N4BP3: variants seen among roughly 807,000 people sequenced by gnomAD.
The protein encoded by N4BP3 is NEDD4 binding protein 3.
N4BP3 carries 33 observed loss-of-function variants against 43.8 expected under a neutral mutation model. The ratio of observed to expected loss-of-function variants is 0.75; its 90% confidence interval spans 0.57 to 1.01. N4BP3 has a LOEUF of 1.01. Ranked by LOEUF, N4BP3 falls within the 50% of genes least tolerant of loss-of-function variation. The probability of loss-of-function intolerance (pLI) is 0.00; values close to 1 mark genes in which losing one functional copy is unlikely to be tolerated. For missense variants in N4BP3, 756 were observed against 744.2 expected (o/e 1.02, Z -0.18); for synonymous variants, 326 against 321.9 (o/e 1.01, Z -0.14).
At chr5:178,115,345 C>A (rs559630436) in intron 1 of N4BP3, among the ~76,000 whole-genome samples, 1 of 152,258 alleles carries the variant, frequency 6.6e-6, no homozygotes, top group South Asian at 2.1e-4. Context: ...CCTACTACCC[C>A]CCCCTTTTGG....
chr5:178,122,110 G>A lies in N4BP3; in HGVS notation c.*109G>A. The A allele has an allele frequency of 3.7e-6, 5 of 1,347,700 alleles. No homozygotes were observed. Among genetic ancestry groups the A allele is most frequent in the Non-Finnish European group, 4.9e-6 (5 of 1,016,402 alleles). The allele number at this position is 1,347,700 out of a possible 1,614,324, so 83.5% of individuals were successfully genotyped here. ...GGTGGAACCTGCAGAGGCCAGCCCG[G>A]GGCTGGGGAGGCGCAAGGAGAGGAG... On this transcript the variant is annotated 3_prime_UTR_variant, in exon 5 of 5. Transcript: ENST00000274605.
rs964782285 is a variant in N4BP3 at position 178,113,680 on chromosome 5, C to G, written c.-122C>G. On this transcript the variant is annotated 5_prime_UTR_variant, in exon 1 of 5. Coordinates refer to ENST00000274605, the MANE Select transcript of N4BP3 (RefSeq NM_015111.2). The stretch of plus-strand genomic sequence containing the variant: ...CCCGGCACGCAGTCCCGGCCCGAGC[C>G]GACGCCTTGCAGGAGGGTTCAAATC... 1.4e-4 allele frequency: 22 copies of G among 152,148 alleles called. No homozygotes were observed. The highest frequency in any genetic ancestry group is 2.9e-4 in the Non-Finnish European group (20 of 67,970). The allele number at this position is 152,148 out of a possible 1,614,324, so 9.4% of individuals were successfully genotyped here.
At position 178,120,306 on chromosome 5, in the gene N4BP3, C is replaced by T; in HGVS notation, c.459C>T (p.Ala153=). 6.2e-7 allele frequency: 1 copy of T among 1,608,524 alleles called. No homozygotes were observed. The highest frequency in any genetic ancestry group is 8.5e-7 in the Non-Finnish European group (1 of 1,177,752). The change falls in exon 3 of 5, where the codon GCC becomes GCT. Residue 153 remains alanine (A), a synonymous_variant. Transcript: ENST00000274605. ...WRSNGSLHTL[A]CHPPLSPGPR... is the part of the protein sequence containing the mutation. Reference sequence around the variant, plus strand: ...GCAATGGCAGCCTGCACACGCTGGCCTGCCACCCGCCCCTGAGCCCCGGGC... The same window carrying T: ...GCAATGGCAGCCTGCACACGCTGGCTTGCCACCCGCCCCTGAGCCCCGGGC...
downstream of N4BP3, chr5:178,126,160 C>A (rs920452283): frequency 2.6e-5 from 4 of 152,044 alleles, no homozygotes; most frequent in African/African-American, 9.7e-5. Flanking sequence ...CTATGTGCCA[C>A]CCCTGCATTT....
chr5:178,118,672 C>T lies in N4BP3; in HGVS notation c.-30-882C>T, dbSNP rs1010179990. ...TATCCCTCCCACTGTAGCCCCCAAC[C>T]CTCCCCCCCATGCCAGATGTTTCCC... On this transcript the variant is annotated intron_variant, in intron 1 of 4. Transcript: ENST00000274605. This position sits in a 1 kb window ranked among gnomAD's most constrained non-coding sequence, Gnocchi z 5.4. 6.6e-6 allele frequency among the ~76,000 whole-genome samples: 1 copy of T among 152,046 alleles called. No homozygotes were observed. The highest frequency in any genetic ancestry group is 2.4e-5 in the African/African-American group (1 of 41,408).
rs778174831 is a variant in N4BP3 at position 178,121,117 on chromosome 5, G to A, written c.872G>A (p.Arg291Gln). ...TGACAGGTGCTGGAGGAGCGCCAGC[G>A]GCTGTGGCTGGCTGAGCTGAAGCGC... Reference protein sequence around the residue: ...PFTQVLEERQRLWLAELKRLY... With the variant: ...PFTQVLEERQQLWLAELKRLY... Residue 291 changes from arginine (R) to glutamine (Q), a missense_variant, in exon 4 of 5, where the codon CGG becomes CAG. Arg to Gln is a conservative substitution (Grantham distance 43). Transcript: ENST00000274605. 10 of 1,597,620 alleles carry A rather than the reference G, an allele frequency of 6.3e-6. No homozygotes were observed. Among genetic ancestry groups the A allele is most frequent in the African/African-American group, 2.7e-5 (2 of 74,854 alleles).
At position 178,121,454 on chromosome 5, in the gene N4BP3, G is replaced by T; in HGVS notation, c.1108-20G>T. ...CGGCTCCCCACACCCTACTTTGCTTGCGTCCTCCCCATCCCCCAGGTGTGC... is the reference window on the plus strand; with the variant it reads ...CGGCTCCCCACACCCTACTTTGCTTTCGTCCTCCCCATCCCCCAGGTGTGC... On this transcript the variant is annotated intron_variant, in intron 4 of 4. Coordinates refer to ENST00000274605, the MANE Select transcript of N4BP3 (RefSeq NM_015111.2). 6.2e-7 allele frequency: 1 copy of T among 1,613,824 alleles called. No individual in the cohort carries two copies. Among genetic ancestry groups the T allele is most frequent in the Non-Finnish European group, 8.5e-7 (1 of 1,179,960 alleles).
chr5:178,117,993 C>T (rs1453012998), intron 1 of N4BP3, among the ~76,000 whole-genome samples: 2 of 152,212 alleles, frequency 1.3e-5, no homozygotes, highest in South Asian at 2.1e-4. Context: ...AGTGGGTGCC[C>T]GGAAGCATGG....
Position 178,121,713 on chromosome 5 carries a change from CAGGGGCCTGCTAGGGG to C in N4BP3, c.1351_1366del (p.Gly451GlnfsTer96), listed in dbSNP as rs1347915525. 6.2e-7 allele frequency: 1 copy of C among 1,609,302 alleles called. No homozygotes were observed. Among genetic ancestry groups the C allele is most frequent in the Non-Finnish European group, 8.5e-7 (1 of 1,179,870 alleles). ...GCTGTGAGACTGATGACTGCAAGAG[CAGGGGCCTGCTAGGGG>C]AGGCAGGAGGCAGCGAGGCCAGAGA... On this transcript the variant is annotated frameshift_variant, in exon 5 of 5. Coordinates refer to ENST00000274605, the MANE Select transcript of N4BP3 (RefSeq NM_015111.2). LOFTEE classifies it high-confidence loss of function.
At chr5:178,115,994 T>G (rs1396819599) in intron 1 of N4BP3, among the ~76,000 whole-genome samples, 1 of 152,090 alleles carries the variant, frequency 6.6e-6, no homozygotes. Context: ...CCAGCCCAAA[T>G]CTAGCCAGCT....
Position 178,121,831 on chromosome 5 carries a change from G to A in N4BP3, c.1465G>A (p.Glu489Lys). The change falls in exon 5 of 5, where the codon GAG (glutamate) becomes AAG (lysine). Residue 489 changes from glutamate to lysine, a missense_variant. By Grantham distance (56) the Glu-to-Lys change is moderately conservative. Coordinates refer to ENST00000274605, the MANE Select transcript of N4BP3 (RefSeq NM_015111.2). ...GQEQALRFEQ[E>K]RRTWQEEKER... ...GGAGCAGGCGCTGCGCTTTGAGCAG[G>A]AGCGGCGGACTTGGCAGGAGGAGAA... 1 of 1,608,970 alleles carries A rather than the reference G, an allele frequency of 6.2e-7. No homozygotes were observed. The highest frequency in any genetic ancestry group is 8.5e-7 in the Non-Finnish European group (1 of 1,178,870).
At position 178,119,972 on chromosome 5, in the gene N4BP3, C is replaced by A. The variant is rs535148656; in HGVS notation, c.330+59C>A. 5.1e-5 allele frequency: 78 copies of A among 1,522,718 alleles called. 1 individual carries two copies. The Middle Eastern group carries it at 1.1e-3, about 21-fold the overall frequency. The allele number at this position is 1,522,718 out of a possible 1,614,324, so 94.3% of individuals were successfully genotyped here. On this transcript the variant is annotated intron_variant, in intron 2 of 4. Coordinates refer to ENST00000274605, the MANE Select transcript of N4BP3 (RefSeq NM_015111.2). ...GGGAGGGTGGGGTCTCCTTGGAGAC[C>A]CTGATGTTGGGATGGGGTGGGGACG... is the stretch of plus-strand genomic sequence containing the variant.
rs1757968769 is a variant in N4BP3, at chr5:178,122,967, G to A, written c.*966G>A. On this transcript the variant is annotated 3_prime_UTR_variant, in exon 5 of 5. Coordinates refer to ENST00000274605, the MANE Select transcript of N4BP3 (RefSeq NM_015111.2). ...TTTCCCCATCAGCAACGGGGCTCTA[G>A]GGCATTATTAAGTAGGGGTGAAATA... The A allele has an allele frequency of 6.6e-6, 1 of 152,224 alleles. No homozygotes were observed. Among genetic ancestry groups the A allele is most frequent in the East Asian group, 1.9e-4 (1 of 5,196 alleles). 9.4% of individuals were successfully genotyped at this position (152,224 alleles called of 1,614,324 possible). A position where few individuals can be genotyped will look rare whatever the true frequency, so the allele number is the denominator to read the frequency against.
Position 178,126,039 on chromosome 5 carries a change from C to G in N4BP3, c.*4038C>G, listed in dbSNP as rs757712523. 19 of 152,136 alleles carry G rather than the reference C, an allele frequency of 1.2e-4. No homozygotes were observed. Among genetic ancestry groups the G allele is most frequent in the Non-Finnish European group, 1.8e-4 (12 of 68,030 alleles). 9.4% of individuals were successfully genotyped at this position (152,136 alleles called of 1,614,324 possible). A position where few individuals can be genotyped will look rare whatever the true frequency, so the allele number is the denominator to read the frequency against. ...AAGAATGAAGAGCCAGAAATAGATT[C>G]TATTCTGTAGAAAATCTTACACAAT... is the stretch of plus-strand genomic sequence containing the variant. On this transcript the variant is annotated 3_prime_UTR_variant, in exon 5 of 5. Transcript: ENST00000274605.
Position 178,121,321 on chromosome 5 carries a change from G to GA in N4BP3, c.1076_1077insA (p.Ser359ArgfsTer20). 2 of 1,603,610 alleles carry GA rather than the reference G, an allele frequency of 1.2e-6. No homozygotes were observed. Among genetic ancestry groups the GA allele is most frequent in the Non-Finnish European group, 1.7e-6 (2 of 1,173,634 alleles). ...GGCACCCTCCCAGAGGCTGACCCCA[G>GA]TGCACGACCAGAGGAGGAAGCCCGA... On this transcript the variant is annotated frameshift_variant, in exon 4 of 5. Coordinates refer to ENST00000274605, the MANE Select transcript of N4BP3 (RefSeq NM_015111.2). LOFTEE classifies it high-confidence loss of function.
chr5:178,120,974 C>A (rs1241675434), intron 3 of N4BP3, 124 bp from the exon 4 acceptor site: 2 of 1,341,234 alleles, frequency 1.5e-6, no homozygotes, highest in Non-Finnish European at 2.0e-6. Flanking sequence ...GGTTAAAGCG[C>A]ATGTGTGGCT....
rs751964720 is a variant in N4BP3 at position 178,120,342 on chromosome 5, C to G, written c.495C>G (p.Ser165Arg). The G allele has an allele frequency of 1.3e-5, 21 of 1,607,310 alleles. No individual in the cohort carries two copies. The Middle Eastern group carries it at 5.1e-4, about 39-fold the overall frequency. Residue 165 changes from serine (S) to arginine (R), a missense_variant, in exon 3 of 5, where the codon AGC becomes AGG. By Grantham distance (110) the Ser-to-Arg change is moderately radical. Transcript: ENST00000274605. ...CCCTGAGCCCCGGGCCCCGGGCCAG[C>G]CAGGCCCGGGCACAGCTGCTGCACG... Reference protein sequence around the residue: ...HPPLSPGPRASQARAQLLHAL... With the variant: ...HPPLSPGPRARQARAQLLHAL...
intron 1 of N4BP3, among the ~76,000 whole-genome samples, chr5:178,117,617 CAAAAA>C (rs1158805938): frequency 7.3e-5 from 1 of 13,692 alleles, no homozygotes; most frequent in African/African-American, 1.7e-4. Flanking sequence ...GACCCTGTCT[CAAAAA>C]AAAAAAAAAA....
Position 178,121,171 on chromosome 5 carries a change from C to T in N4BP3, c.926C>T (p.Thr309Ile), listed in dbSNP as rs1426237308. 1.9e-6 allele frequency: 3 copies of T among 1,601,732 alleles called. No homozygotes were observed. Among genetic ancestry groups the T allele is most frequent in the Non-Finnish European group, 1.7e-6 (2 of 1,178,308 alleles). ...TATGTGGAGCGGCTGCACGAGGTGA[C>T]CCAGAAGGCTGAGCGCAGCGAGCGC... Reference protein sequence around the residue: ...RLYVERLHEVTQKAERSERNL... With the variant: ...RLYVERLHEVIQKAERSERNL... Residue 309 changes from threonine to isoleucine, a missense_variant, in exon 4 of 5, where the codon ACC (threonine) becomes ATC (isoleucine). Physicochemically the swap from Thr to Ile is moderately conservative, Grantham distance 89. Coordinates refer to ENST00000274605, the MANE Select transcript of N4BP3 (RefSeq NM_015111.2).
Sources: gnomAD v4.1 joint callset for allele counts (sites outside exome capture counted in the v4.1 genomes callset) on GRCh38, gnomAD v4.1.1 for gene constraint, Gnocchi (gnomAD v3.1) non-coding constraint, MANE v1.5 for transcripts, NCBI Gene and HGNC (gene_info 2026-07-23, HGNC 2026-07-21) for gene names.